The following KDM2A variants were observed in gnomAD, a reference collection of about 807,000 sequenced individuals.
KDM2A encodes lysine demethylase 2A.
In KDM2A, 3 loss-of-function variants were observed where a neutral mutation model predicts 137.3. The ratio of observed to expected loss-of-function variants is 0.02; its 90% CI spans 0.01 to 0.06. KDM2A has a LOEUF of 0.06. Among genes scored for constraint, KDM2A ranks in the 10% least tolerant of loss-of-function variants. KDM2A has a pLI of 1.00. For missense variants in KDM2A, 738 were observed against 1,510.6 expected, an observed-to-expected ratio of 0.49 and a Z score of 8.48; for synonymous variants, 512 against 541.5, an observed-to-expected ratio of 0.95 and a Z score of 0.76.
At chr11:67,213,821 T>C (rs1858070460) in intron 6 of KDM2A, among the ~76,000 whole-genome samples, 1 of 152,140 alleles carries the variant, frequency 6.6e-6, no homozygotes, top group African/African-American at 2.4e-5. Flanking sequence ...TGTTTACATT[T>C]AATCCTTACA....
At position 67,246,034 on chromosome 11, in the gene KDM2A, A is replaced by C; in HGVS notation, c.1883A>C (p.Gln628Pro). The change falls in exon 15 of 21, where the codon CAG (glutamine) becomes CCG (proline). Residue 628 changes from glutamine to proline, a missense_variant. Transcript: ENST00000529006. ...TGTTCCCTCTGTGGAGAGGTGGATC[A>C]GAATGAAGAGACACAAGACTTTGAG... ...VTCSLCGEVD[Q>P]NEETQDFEKK... 1 of 1,614,014 alleles carries C rather than the reference A, an allele frequency of 6.2e-7. No individual in the cohort carries two copies. Among genetic ancestry groups the C allele is most frequent in the Non-Finnish European group, 8.5e-7 (1 of 1,179,846 alleles).
intron 2 of KDM2A, among the ~76,000 whole-genome samples, chr11:67,153,824 A>T (rs10791900): frequency 0.12 from 18,186 of 151,790 alleles, 3,075 homozygotes; most frequent in African/African-American, 0.38. Flanking sequence ...AAAAAAAAAA[A>T]AAAAAACACC....
chr11:67,164,091 T>C (rs1010204350), intron 2 of KDM2A, among the ~76,000 whole-genome samples: 10 of 152,142 alleles, frequency 6.6e-5, no homozygotes, highest in African/African-American at 2.4e-4. Flanking sequence ...AAAGTATTTG[T>C]ATATATGTTT....
chr11:67,230,955 T>TTTTTTGTTTTTTTTGTTTTTTTG (rs1858696901), intron 11 of KDM2A, among the ~76,000 whole-genome samples: 1 of 152,048 alleles, frequency 6.6e-6, no homozygotes, highest in African/African-American at 2.4e-5. Flanking sequence ...TTTTTGGTTT[T>TTTTTTGTTTTTTTTGTTTTTTTG]TTTTTGTTTG....
intron 2 of KDM2A, among the ~76,000 whole-genome samples, chr11:67,131,393 T>A (rs560608608): frequency 5.3e-4 from 81 of 151,610 alleles, no homozygotes; most frequent in African/African-American, 1.9e-3. Context: ...CTTTTGAGGC[T>A]ACTTTAGTGT....
chr11:67,221,742 G>A (rs1033609664), intron 10 of KDM2A, among the ~76,000 whole-genome samples: 8 of 152,098 alleles, frequency 5.3e-5, no homozygotes, highest in Non-Finnish European at 1.0e-4. Flanking sequence ...GCCCAAAGTG[G>A]GAGGATTATG....
intron 15 of KDM2A, among the ~76,000 whole-genome samples, chr11:67,246,896 A>G (rs986602035): frequency 7.9e-5 from 12 of 151,576 alleles, no homozygotes; most frequent in Non-Finnish European, 1.6e-4. Flanking sequence ...GTAGGTCAGT[A>G]TTTGGAGGCA....
intron 2 of KDM2A, among the ~76,000 whole-genome samples, chr11:67,152,944 G>C (rs1474542366): frequency 1.6e-5 from 1 of 61,998 alleles, no homozygotes; most frequent in Non-Finnish European, 3.8e-5. Context: ...GTGTGTGTGT[G>C]TGTGTGTGTT....
At chr11:67,170,513 C>T (rs923083312) in intron 2 of KDM2A, among the ~76,000 whole-genome samples, 2 of 149,830 alleles carry the variant, frequency 1.3e-5, no homozygotes, top group African/African-American at 4.9e-5. Context: ...CCTGGGTTCG[C>T]ACCATTCTCC....
intron 2 of KDM2A, among the ~76,000 whole-genome samples, chr11:67,160,081 G>A (rs1856601432): frequency 6.6e-6 from 1 of 152,144 alleles, no homozygotes; most frequent in Non-Finnish European, 1.5e-5. Context: ...ATTTAGCCCT[G>A]CCTCACTGCC....
In KDM2A at chr11:67,231,777, C is replaced by G. The variant is rs1305987006; in HGVS notation, c.1296C>G (p.Gly432=). 3 of 1,613,900 alleles carry G rather than the reference C, an allele frequency of 1.9e-6. No homozygotes were observed. The highest frequency in any genetic ancestry group is 2.5e-6 in the Non-Finnish European group (3 of 1,179,890). ...AGDSSSDCSR[G]SHNGQVWDPQ... is the part of the protein sequence containing the mutation. ...ACTCATCTTCTGACTGTAGCCGGGGCTCCCACAATGGACAAGTGTGGGATC... is the reference window on the plus strand; with the variant it reads ...ACTCATCTTCTGACTGTAGCCGGGGGTCCCACAATGGACAAGTGTGGGATC... The change falls in exon 12 of 21, where the codon GGC becomes GGG. Residue 432 remains glycine (G), a synonymous_variant. Transcript: ENST00000529006.
At chr11:67,219,225 C>T in intron 9 of KDM2A, 63 bp from the exon 10 acceptor site, 1 of 742,208 alleles carries the variant, frequency 1.3e-6, no homozygotes. Flanking sequence ...TGTACTAGTT[C>T]TCTGAGAGAG....
At chr11:67,184,299 G>C (rs1299475203) in intron 5 of KDM2A, among the ~76,000 whole-genome samples, 1 of 151,670 alleles carries the variant, frequency 6.6e-6, no homozygotes, top group African/African-American at 2.4e-5. Context: ...TTTGAGATCA[G>C]CCTGGCCAAC....
intron 2 of KDM2A, among the ~76,000 whole-genome samples, chr11:67,140,657 G>A (rs1163799087): frequency 3.9e-5 from 6 of 152,116 alleles, no homozygotes; most frequent in Admixed American, 1.3e-4. Context: ...GGAGGCTGGA[G>A]CAGGAGAGTT....
rs1027038632 is a variant in KDM2A, at chr11:67,168,959, T to G, written c.43-11120T>G. Among the ~76,000 whole-genome samples, 6 of 144,432 alleles carry G rather than the reference T, an allele frequency of 4.2e-5. No individual in the cohort carries two copies. In the South Asian group the frequency reaches 6.9e-4, roughly 17 times the overall value. 94.8% of individuals were successfully genotyped at this position (144,432 alleles called of 152,430 possible). The stretch of plus-strand genomic sequence containing the variant: ...CAGATTTAATCCATGTAGTTTTTTT[T>G]TTTTTTTTTTTTTTGAGATGGAGTC... On this transcript the variant is annotated intron_variant, in intron 2 of 20. Transcript: ENST00000529006.
At position 67,254,204 on chromosome 11, in the gene KDM2A, T is replaced by G. The variant is rs778881235; in HGVS notation, c.3093T>G (p.Gly1031=). ...TAGGCTCTTCTCTTGCCTGTACAGG[T>G]CAGGACAATCGCAGCAAGCTCCGGA... ...DLLTPPADKP[G]QDNRSKLRNM... The change falls in exon 20 of 21, where the codon GGT becomes GGG. Residue 1031 remains glycine (G), a splice_region_variant and synonymous_variant. Coordinates refer to ENST00000529006, the MANE Select transcript of KDM2A (RefSeq NM_012308.3). The surrounding 1 kb of genome is among the most constrained non-coding windows in gnomAD (Gnocchi z 4.7). The G allele has an allele frequency of 6.2e-7, 1 of 1,613,492 alleles. No homozygotes were observed. Among genetic ancestry groups the G allele is most frequent in the Non-Finnish European group, 8.5e-7 (1 of 1,179,614 alleles).
intron 12 of KDM2A, among the ~76,000 whole-genome samples, chr11:67,242,539 T>C (rs1418797056): frequency 6.6e-6 from 1 of 152,210 alleles, no homozygotes; most frequent in Non-Finnish European, 1.5e-5. Context: ...TTTACTGTCA[T>C]ATGTAGAACT....
chr11:67,209,859 A>G (rs1857925042), intron 6 of KDM2A, among the ~76,000 whole-genome samples: 1 of 152,058 alleles, frequency 6.6e-6, no homozygotes, highest in Non-Finnish European at 1.5e-5. Context: ...CTAGGAGTTC[A>G]AGACCAGCCT....
At chr11:67,145,988 G>GTT (rs1217118907) in intron 2 of KDM2A, among the ~76,000 whole-genome samples, 1 of 131,468 alleles carries the variant, frequency 7.6e-6, no homozygotes, top group Non-Finnish European at 1.7e-5. Flanking sequence ...TTTTTGTTTT[G>GTT]TTTTTTTTTG....
Sources: gnomAD v4.1 joint callset for allele counts (sites outside exome capture counted in the v4.1 genomes callset) on GRCh38, gnomAD v4.1.1 for gene constraint, Gnocchi (gnomAD v3.1) non-coding constraint, MANE v1.5 for transcripts, NCBI Gene and HGNC (gene_info 2026-07-23, HGNC 2026-07-21) for gene names.